SEPTIN6: variants seen among roughly 807,000 people sequenced by gnomAD.
The protein encoded by SEPTIN6 is septin 6.
A neutral mutation model predicts 33.6 loss-of-function variants in SEPTIN6; 8 were observed. The ratio of observed to expected loss-of-function variants is 0.24; its 90% CI spans 0.14 to 0.43. The LOEUF (loss-of-function observed/expected upper bound fraction) is 0.43, where lower values mean the gene tolerates loss of function less well. Among genes scored for constraint, SEPTIN6 ranks in the 20% least tolerant of loss-of-function variants. The probability of loss-of-function intolerance (pLI) is 1.00; values close to 1 mark genes in which losing one functional copy is unlikely to be tolerated. For synonymous variants in SEPTIN6, 131 were observed against 140.0 expected, an observed-to-expected ratio of 0.94 and a Z score of 0.45; for missense variants, 250 against 340.8, an observed-to-expected ratio of 0.73 and a Z score of 2.10.
At chrX:119,644,837 C>T (rs768337404) in intron 5 of SEPTIN6, among the ~76,000 whole-genome samples, 6 of 108,082 alleles carry the variant, frequency 5.6e-5, no homozygotes, top group Admixed American at 9.8e-5. Flanking sequence ...GCCGACAGAG[C>T]GAGACTCCAT....
intron 3 of SEPTIN6, 27 bp downstream of exon 3, chrX:119,663,455 C>A: frequency 1.3e-6 from 1 of 785,969 alleles, no homozygotes; most frequent in Non-Finnish European, 1.9e-6. Context: ...ACCTCCCCAC[C>A]CTACCCCACC....
intron 5 of SEPTIN6, among the ~76,000 whole-genome samples, chrX:119,644,724 G>A (rs1231104613): frequency 1.8e-5 from 2 of 109,032 alleles, no homozygotes; most frequent in Admixed American, 9.8e-5. Context: ...GCGGGCGCCT[G>A]TAATCCCAGC....
At chrX:119,616,461 C>A, downstream of SEPTIN6, 1 of 469,020 alleles carries the variant, frequency 2.1e-6, no homozygotes, top group Admixed American at 2.7e-5. Context: ...GGTTACATTT[C>A]GTCCATTTTC....
At chrX:119,654,698 A>C (rs55703871) in intron 3 of SEPTIN6, among the ~76,000 whole-genome samples, 9,364 of 111,007 alleles carry the variant, frequency 0.084, 312 homozygotes, top group South Asian at 0.13. Flanking sequence ...CCAGAGAAAA[A>C]TCTTTTTTTT....
chrX:119,629,031 C>A, intron 9 of SEPTIN6: 1 of 277,579 alleles, frequency 3.6e-6, no homozygotes. Flanking sequence ...TCCTCTTTTC[C>A]CTTCCTTTCC....
Position 119,618,437 on chromosome X carries a change from GT to G in SEPTIN6, c.*1655del, listed in dbSNP as rs1207742501. 1 of 877,361 alleles carries G rather than the reference GT, an allele frequency of 1.1e-6. No individual in the cohort carries two copies. The highest frequency in any genetic ancestry group is 2.1e-5 in the African/African-American group (1 of 48,198). The allele number at this position is 877,361 out of a possible 1,213,427, so 72.3% of individuals were successfully genotyped here. ...CTTCCTATTATGATCTATAATTGAAGTGAGAAATCCCCTTCCCCTTCTCAAT... is the reference window on the plus strand; with the variant it reads ...CTTCCTATTATGATCTATAATTGAAGGAGAAATCCCCTTCCCCTTCTCAAT... On this transcript the variant is annotated 3_prime_UTR_variant, in exon 11 of 11. Coordinates refer to ENST00000394610, the MANE Select transcript of SEPTIN6 (RefSeq NM_145799.4).
rs752380959 is a variant in SEPTIN6 at position 119,619,670 on chromosome X, C to T, written c.*423G>A. On this transcript the variant is annotated 3_prime_UTR_variant, in exon 11 of 11. Transcript: ENST00000394610. ...GACAGCTGTGCTGATCGGTGGTTAC[C>T]CAGCCATGGTGGTTGCAAATACCTC... 8 of 891,112 alleles carry T rather than the reference C, an allele frequency of 9.0e-6. No homozygotes were observed. The South Asian group carries it at 2.7e-4, about 30-fold the overall frequency. The allele number at this position is 891,112 out of a possible 1,213,427, so 73.4% of individuals were successfully genotyped here. A position where few individuals can be genotyped will look rare whatever the true frequency, so the allele number is the denominator to read the frequency against.
intron 8 of SEPTIN6, 47 bp from the exon 9 acceptor site, chrX:119,629,555 T>G (rs758397653): frequency 3.5e-6 from 4 of 1,154,117 alleles, no homozygotes; most frequent in Non-Finnish European, 4.7e-6. Context: ...CTGTGAGCAG[T>G]CCCCAGCCTG....
intron 3 of SEPTIN6, among the ~76,000 whole-genome samples, chrX:119,655,272 C>T (rs2054421441): frequency 9.1e-6 from 1 of 109,987 alleles, no homozygotes; most frequent in Admixed American, 9.8e-5. Context: ...GGCTTATCTT[C>T]GTCTTATTCA....
rs757688486 is a variant in SEPTIN6 at position 119,662,945 on chromosome X, C to T, written c.341+537G>A. 2.7e-5 allele frequency among the ~76,000 whole-genome samples: 3 copies of T among 112,133 alleles called. No individual in the cohort carries two copies. In the South Asian group the frequency reaches 1.1e-3, roughly 42 times the overall value. On this transcript the variant is annotated intron_variant, in intron 3 of 10. Transcript: ENST00000394610. Reference sequence around the variant, plus strand: ...CCCTTGTCTGTCTGGCAAAACAGTTCGTCCTTCAAGAGTCAGCTCAGGAGG... The same window carrying T: ...CCCTTGTCTGTCTGGCAAAACAGTTTGTCCTTCAAGAGTCAGCTCAGGAGG...
chrX:119,631,706 C>T (rs1398348165), intron 8 of SEPTIN6, among the ~76,000 whole-genome samples: 1 of 110,244 alleles, frequency 9.1e-6, no homozygotes, highest in Non-Finnish European at 1.9e-5. Context: ...CCTCAGCCTC[C>T]TGGGTAGCTG....
chrX:119,667,399 T>C (rs1202917873), intron 2 of SEPTIN6, among the ~76,000 whole-genome samples: 2 of 111,087 alleles, frequency 1.8e-5, no homozygotes, highest in Non-Finnish European at 3.8e-5. Flanking sequence ...GCAGGAGAAA[T>C]GACCACCCAA....
chrX:119,634,972 G>A (rs1459423918), intron 7 of SEPTIN6: 1 of 172,751 alleles, frequency 5.8e-6, no homozygotes, highest in East Asian at 1.4e-4. Flanking sequence ...TTGTGCCATT[G>A]TACTCCAGCC....
intron 10 of SEPTIN6, among the ~76,000 whole-genome samples, chrX:119,622,019 A>G (rs946627141): frequency 2.0e-5 from 2 of 102,518 alleles, no homozygotes; most frequent in African/African-American, 6.7e-5. Flanking sequence ...GAGATACTAT[A>G]CAAAAGACAA....
At chrX:119,665,130 G>A (rs1184027680) in intron 2 of SEPTIN6, among the ~76,000 whole-genome samples, 2 of 99,371 alleles carry the variant, frequency 2.0e-5, no homozygotes, top group African/African-American at 7.7e-5. Context: ...TTGATACAGC[G>A]TCTCGCTCTG....
chrX:119,679,397 T>C (rs902402987), intron 1 of SEPTIN6, among the ~76,000 whole-genome samples: 24 of 111,178 alleles, frequency 2.2e-4, no homozygotes, highest in Admixed American at 8.7e-4. Flanking sequence ...GTTTGCTTGA[T>C]TGGATGGACA....
At chrX:119,663,387 G>T (rs113740843) in intron 3 of SEPTIN6, 95 bp downstream of exon 3, 2 of 766,525 alleles carry the variant, frequency 2.6e-6, no homozygotes, top group South Asian at 5.7e-5. Context: ...GCTTGGGCCC[G>T]ATATCTGTGC....
chrX:119,625,587 G>A (rs1489176650), intron 9 of SEPTIN6, among the ~76,000 whole-genome samples: 1 of 105,952 alleles, frequency 9.4e-6, no homozygotes, highest in Non-Finnish European at 1.9e-5. Context: ...CTGTTGCCCA[G>A]ACTGGAGTGC....
downstream of SEPTIN6, chrX:119,616,625 G>T: frequency 1.1e-6 from 1 of 945,700 alleles, no homozygotes; most frequent in South Asian, 2.0e-5. Context: ...CTTGCAGTTT[G>T]AGGGGAGAGG....
Sources: allele counts gnomAD v4.1 joint callset (sites outside exome capture counted in the v4.1 genomes callset), GRCh38; gene constraint gnomAD v4.1.1; transcripts MANE v1.5; gene names NCBI Gene and HGNC (gene_info 2026-07-23, HGNC 2026-07-21).